The following TM4SF4 variants were observed in gnomAD, a reference collection of about 807,000 sequenced individuals.
TM4SF4 encodes transmembrane 4 L six family member 4.
Under a neutral mutation model 24.1 loss-of-function variants are expected in TM4SF4, and 24 were observed. That is an observed-to-expected ratio of 1.00 (90% confidence interval 0.72 to 1.40). TM4SF4 has a LOEUF of 1.40. Ranked by LOEUF, TM4SF4 falls within the 40% of genes most tolerant of loss-of-function variation. TM4SF4 has a pLI of 0.00. For missense variants in TM4SF4, 254 were observed against 254.2 expected (o/e 1.00, Z 0.01); for synonymous variants, 113 against 97.0 (o/e 1.17, Z -0.97).
At chr3:149,482,996 C>T (rs938898502) in intron 2 of TM4SF4, among the ~76,000 whole-genome samples, 6 of 152,108 alleles carry the variant, frequency 3.9e-5, no homozygotes, top group Non-Finnish European at 5.9e-5. Context: ...AGCAACATGA[C>T]GCAGCATGTA....
At chr3:149,475,798 T>C in intron 1 of TM4SF4, 25 bp from the exon 2 acceptor site, 1 of 1,587,754 alleles carries the variant, frequency 6.3e-7, no homozygotes, top group Non-Finnish European at 8.6e-7. Context: ...CTGGACTCTC[T>C]CTGAGGTGCC....
At position 149,482,116 on chromosome 3, in the gene TM4SF4, A is replaced by G. The variant is rs138396923; in HGVS notation, c.265-5503A>G. On this transcript the variant is annotated intron_variant, in intron 2 of 4. Transcript: ENST00000305354. ...ACGTGGGGATGATCTGATTTTCGAG[A>G]GGTGTGTGCCTTTACTAATTAGGCT... 9.2e-5 allele frequency among the ~76,000 whole-genome samples: 14 copies of G among 152,286 alleles called. 1 individual carries two copies. The East Asian group carries it at 2.7e-3, about 29-fold the overall frequency.
chr3:149,498,633 G>T (rs1204916459), intron 3 of TM4SF4, 89 bp from the exon 4 acceptor site: 7 of 1,173,864 alleles, frequency 6.0e-6, no homozygotes, highest in Admixed American at 2.0e-5. Flanking sequence ...GGAAAGTAGT[G>T]CATGAGAAAC....
chr3:149,487,577 G>A (rs1009071192), intron 2 of TM4SF4, 42 bp from the exon 3 acceptor site: 1 of 1,612,260 alleles, frequency 6.2e-7, no homozygotes, highest in South Asian at 1.1e-5. Flanking sequence ...GTATCCTCTG[G>A]ACCACCTGGA....
At chr3:149,493,911 C>T (rs1382841344) in intron 3 of TM4SF4, among the ~76,000 whole-genome samples, 3 of 152,312 alleles carry the variant, frequency 2.0e-5, no homozygotes, top group South Asian at 2.1e-4. Context: ...GCAAAGCATT[C>T]GTATTCAGGC....
At chr3:149,476,955 C>T (rs1733944331) in intron 2 of TM4SF4, among the ~76,000 whole-genome samples, 1 of 151,656 alleles carries the variant, frequency 6.6e-6, no homozygotes, top group African/African-American at 2.4e-5. Context: ...TGTGCCACCC[C>T]ACGCAGCTGA....
chr3:149,503,000 A>G lies in TM4SF4; in HGVS notation c.*307A>G. 3.4e-6 allele frequency: 1 copy of G among 295,766 alleles called. No individual in the cohort carries two copies. Among genetic ancestry groups the G allele is most frequent in the Non-Finnish European group, 6.2e-6 (1 of 160,268 alleles). 18.3% of individuals were successfully genotyped at this position (295,766 alleles called of 1,614,324 possible). A position where few individuals can be genotyped will look rare whatever the true frequency, so the allele number is the denominator to read the frequency against. Reference sequence around the variant, plus strand: ...TTTTTATTACAAATGTAAAATGTATAAAGTCACATGTACTGCCATACTACT... The same window carrying G: ...TTTTTATTACAAATGTAAAATGTATGAAGTCACATGTACTGCCATACTACT... On this transcript the variant is annotated 3_prime_UTR_variant, in exon 5 of 5. Transcript: ENST00000305354.
chr3:149,484,373 G>A (rs61382471), intron 2 of TM4SF4, among the ~76,000 whole-genome samples: 61,489 of 151,690 alleles, frequency 0.41, 12,904 homozygotes, highest in Non-Finnish European at 0.47. Flanking sequence ...GAATGCAATT[G>A]TTTATTTATT....
At chr3:149,490,592 A>T (rs1249970164) in intron 3 of TM4SF4, among the ~76,000 whole-genome samples, 2 of 152,220 alleles carry the variant, frequency 1.3e-5, no homozygotes, top group Admixed American at 1.3e-4. Context: ...AACACAGTTT[A>T]TATTGACTCA....
Position 149,475,716 on chromosome 3 carries a change from G to A in TM4SF4, c.175-107G>A, listed in dbSNP as rs1008048010. ...GCTCTGTTACTTTGCCATTCCCTTTGGGCCTCCAAATCCCTCATTGTGGAT... is the reference window on the plus strand; with the variant it reads ...GCTCTGTTACTTTGCCATTCCCTTTAGGCCTCCAAATCCCTCATTGTGGAT... On this transcript the variant is annotated intron_variant, in intron 1 of 4. Coordinates refer to ENST00000305354, the MANE Select transcript of TM4SF4 (RefSeq NM_004617.4). 5 of 881,848 alleles carry A rather than the reference G, an allele frequency of 5.7e-6. No homozygotes were observed. In the African/African-American group the frequency reaches 8.3e-5, roughly 15 times the overall value. The allele number at this position is 881,848 out of a possible 1,614,324, so 54.6% of individuals were successfully genotyped here.
intron 2 of TM4SF4, among the ~76,000 whole-genome samples, chr3:149,483,514 G>A (rs1734068167): frequency 6.8e-6 from 1 of 148,082 alleles, no homozygotes; most frequent in Admixed American, 6.8e-5. Context: ...TTTCTTACAA[G>A]GAGTCACAGG....
chr3:149,494,025 A>G (rs1734265209), intron 3 of TM4SF4, among the ~76,000 whole-genome samples: 1 of 152,166 alleles, frequency 6.6e-6, no homozygotes, highest in Non-Finnish European at 1.5e-5. Context: ...ATACCTGCAT[A>G]ATAATTGGAT....
At chr3:149,500,687 A>G (rs933577754) in intron 4 of TM4SF4, among the ~76,000 whole-genome samples, 2 of 152,216 alleles carry the variant, frequency 1.3e-5, no homozygotes, top group South Asian at 2.1e-4. Flanking sequence ...TGGGTGGTAA[A>G]TTTTCTTTGC....
intron 4 of TM4SF4, among the ~76,000 whole-genome samples, chr3:149,501,997 G>T (rs1034623841): frequency 2.0e-5 from 3 of 152,154 alleles, no homozygotes; most frequent in African/African-American, 7.2e-5. Context: ...CTACTCCTAC[G>T]GTTGTCAATG....
chr3:149,497,452 A>G (rs1734330205), intron 3 of TM4SF4, among the ~76,000 whole-genome samples: 1 of 152,222 alleles, frequency 6.6e-6, no homozygotes, highest in South Asian at 2.1e-4. Context: ...ATCTAAAAAC[A>G]ATAACATCAA....
rs199918007 is a variant in TM4SF4, at chr3:149,475,059, G to A, written c.174+8G>A. ...TTAGGAAGCGGTGTCTTGGTGAGTA[G>A]GGAAGCTTAAAATCCCCCTAAGGGA... On this transcript the variant is annotated splice_region_variant and intron_variant, in intron 1 of 4. Transcript: ENST00000305354. 119 of 1,540,066 alleles carry A rather than the reference G, an allele frequency of 7.7e-5. No homozygotes were observed. In the African/African-American group the frequency reaches 1.6e-3, roughly 21 times the overall value.
intron 2 of TM4SF4, among the ~76,000 whole-genome samples, chr3:149,484,373 G>GTTTA (rs576490405): frequency 1.3e-5 from 2 of 151,790 alleles, no homozygotes; most frequent in Admixed American, 6.5e-5. Context: ...GAATGCAATT[G>GTTTA]TTTATTTATT....
Position 149,498,977 on chromosome 3 carries a change from G to T in TM4SF4, c.591+66G>T. On this transcript the variant is annotated intron_variant, in intron 4 of 4. Transcript: ENST00000305354. Reference sequence around the variant, plus strand: ...GGCCAGGTCAGGCCACTAGCATAAGGGAGGCCAGGTCAGGCCACCAGCACT... The same window carrying T: ...GGCCAGGTCAGGCCACTAGCATAAGTGAGGCCAGGTCAGGCCACCAGCACT... 4 of 1,553,080 alleles carry T rather than the reference G, an allele frequency of 2.6e-6. No homozygotes were observed. The East Asian group carries it at 9.0e-5, about 35-fold the overall frequency.
intron 2 of TM4SF4, among the ~76,000 whole-genome samples, chr3:149,480,468 C>T (rs1734015447): frequency 6.6e-6 from 1 of 152,090 alleles, no homozygotes; most frequent in South Asian, 2.1e-4. Context: ...TAGATCAAGG[C>T]CCGCCCCACC....
Sources: gnomAD v4.1 joint callset for allele counts (sites outside exome capture counted in the v4.1 genomes callset) on GRCh38, gnomAD v4.1.1 for gene constraint, MANE v1.5 for transcripts, NCBI Gene and HGNC (gene_info 2026-07-23, HGNC 2026-07-21) for gene names.